Variants in LRRC4C observed in about 807,000 individuals in gnomAD.
The protein encoded by LRRC4C is leucine rich repeat containing 4C.
Under a neutral mutation model 33.6 loss-of-function variants are expected in LRRC4C, and 5 were observed. The ratio of observed to expected loss-of-function variants is 0.15; its 90% CI spans 0.08 to 0.31. The LOEUF is 0.31. LRRC4C is among the 10% of genes least tolerant of loss of function. LRRC4C has a pLI of 1.00. For missense variants in LRRC4C, 560 were observed against 796.7 expected (o/e 0.70, Z 3.58); for synonymous variants, 329 against 302.0 (o/e 1.09, Z -0.93).
chr11:40,387,843 T>G (rs1407794456), intron 3 of LRRC4C, among the ~76,000 whole-genome samples: 4 of 152,176 alleles, frequency 2.6e-5, no homozygotes. Flanking sequence ...AACCTGAAGT[T>G]GGACTGACTT....
intron 5 of LRRC4C, among the ~76,000 whole-genome samples, chr11:40,185,903 C>T (rs1340604711): frequency 6.6e-6 from 1 of 152,104 alleles, no homozygotes; most frequent in East Asian, 1.9e-4. Context: ...CGTGGTTGCT[C>T]ATTGTCTTCT....
At chr11:40,862,924 T>C (rs1591926180) in intron 2 of LRRC4C, among the ~76,000 whole-genome samples, 1 of 152,218 alleles carries the variant, frequency 6.6e-6, no homozygotes, top group East Asian at 1.9e-4. Flanking sequence ...AGATCTTATT[T>C]CTTTTGTGGA....
intron 2 of LRRC4C, among the ~76,000 whole-genome samples, chr11:40,654,156 T>A (rs6485218): frequency 6.6e-6 from 1 of 151,618 alleles, no homozygotes; most frequent in Non-Finnish European, 1.5e-5. Context: ...GCAGTGTGGA[T>A]GGGAAATGTG....
At chr11:40,447,265 C>CTG (rs1951680009) in intron 3 of LRRC4C, 1 of 152,960 alleles carries the variant, frequency 6.5e-6, no homozygotes, top group African/African-American at 2.4e-5. Flanking sequence ...TCTTGAAAGA[C>CTG]TGTACTGGAG....
chr11:40,787,214 C>G (rs989069115), intron 2 of LRRC4C, among the ~76,000 whole-genome samples: 1 of 151,654 alleles, frequency 6.6e-6, no homozygotes, highest in African/African-American at 2.4e-5. Flanking sequence ...AATATTTTCC[C>G]TAGGTGGTAA....
At chr11:40,939,351 A>G (rs184186679) in intron 1 of LRRC4C, among the ~76,000 whole-genome samples, 4 of 152,324 alleles carry the variant, frequency 2.6e-5, no homozygotes, top group Admixed American at 2.6e-4. Context: ...TTATTAGAAG[A>G]CACTTTTAAA....
intron 3 of LRRC4C, among the ~76,000 whole-genome samples, chr11:40,502,685 T>A (rs757546436): frequency 1.2e-4 from 19 of 152,126 alleles, no homozygotes; most frequent in Non-Finnish European, 2.4e-4. Flanking sequence ...TGAGATTTGG[T>A]TGGGGACACA....
chr11:40,973,623 G>T (rs1851886366), intron 1 of LRRC4C, among the ~76,000 whole-genome samples: 1 of 152,108 alleles, frequency 6.6e-6, no homozygotes, highest in African/African-American at 2.4e-5. Context: ...TTTTATTATA[G>T]AAGTCCTGGT....
intron 2 of LRRC4C, among the ~76,000 whole-genome samples, chr11:40,705,547 T>C (rs1486974988): frequency 6.6e-6 from 1 of 150,878 alleles, no homozygotes; most frequent in Non-Finnish European, 1.5e-5. Context: ...CATTCTTTTT[T>C]ATGCCTGCAT....
At chr11:41,300,264 A>G (rs1364542520) in intron 1 of LRRC4C, among the ~76,000 whole-genome samples, 3 of 152,216 alleles carry the variant, frequency 2.0e-5, no homozygotes, top group African/African-American at 4.8e-5. Context: ...AACATTCAGC[A>G]TGAAACTTTA....
chr11:41,018,202 C>A (rs533941155), intron 1 of LRRC4C, among the ~76,000 whole-genome samples: 10 of 152,264 alleles, frequency 6.6e-5, no homozygotes, highest in African/African-American at 2.4e-4. Flanking sequence ...ATAAAATATA[C>A]TATTAGCTTA....
chr11:40,628,467 G>T (rs1963169993), intron 3 of LRRC4C, among the ~76,000 whole-genome samples: 2 of 149,742 alleles, frequency 1.3e-5, no homozygotes, highest in South Asian at 2.1e-4. Context: ...GACAGAGCGA[G>T]ACTCCATCTC....
chr11:41,215,232 A>T (rs1947006458), intron 1 of LRRC4C, among the ~76,000 whole-genome samples: 1 of 151,868 alleles, frequency 6.6e-6, no homozygotes, highest in Non-Finnish European at 1.5e-5. Flanking sequence ...TCACGTCTGT[A>T]ACCCCAGCAC....
At chr11:40,129,193 C>T (rs1372799226) in intron 6 of LRRC4C, among the ~76,000 whole-genome samples, 2 of 152,156 alleles carry the variant, frequency 1.3e-5, no homozygotes. Context: ...GTCATACTCA[C>T]TTATTGATCC....
rs1456350828 is a variant in LRRC4C at position 41,123,256 on chromosome 11, G to GTTTTTTTTT, written c.-495-189534_-495-189533insAAAAAAAAA. Among the ~76,000 whole-genome samples the GTTTTTTTTT allele has an allele frequency of 1.3e-3, 135 of 107,122 alleles. 19 individuals are homozygous for GTTTTTTTTT. Among genetic ancestry groups the GTTTTTTTTT allele is most frequent in the African/African-American group, 3.3e-3 (84 of 25,326 alleles). 70.3% of individuals were successfully genotyped at this position (107,122 alleles called of 152,430 possible). On this transcript the variant is annotated intron_variant, in intron 1 of 6. Coordinates refer to ENST00000528697, the MANE Select transcript of LRRC4C (RefSeq NM_001258419.2). ...AAATGCTTTCTCTATCCTGAGCTAT[G>GTTTTTTTTT]TTTTGTTTTTTTTTTTTTTTTTTTT... is the stretch of plus-strand genomic sequence containing the variant.
chr11:40,467,712 TCAAAATTCTAACAG>T (rs1325249060), intron 3 of LRRC4C, among the ~76,000 whole-genome samples: 1 of 152,168 alleles, frequency 6.6e-6, no homozygotes. Flanking sequence ...TTTGCTATTT[TCAAAATTCTAACAG>T]AACCCTAACT....
At chr11:40,514,913 T>C (rs143915214) in intron 3 of LRRC4C, among the ~76,000 whole-genome samples, 140 of 152,280 alleles carry the variant, frequency 9.2e-4, no homozygotes, top group African/African-American at 3.3e-3. Context: ...TAGAGTTTTA[T>C]AAACCTACCT....
intron 1 of LRRC4C, among the ~76,000 whole-genome samples, chr11:41,328,034 G>A (rs980107015): frequency 3.4e-4 from 52 of 152,126 alleles, no homozygotes; most frequent in Admixed American, 5.9e-4. Context: ...TAGGCACCAT[G>A]TCCTGGCCTC....
chr11:41,455,760 A>G (rs1156826785), intron 1 of LRRC4C, among the ~76,000 whole-genome samples: 2 of 152,176 alleles, frequency 1.3e-5, no homozygotes, highest in African/African-American at 4.8e-5. Context: ...CAACAACACT[A>G]TGAGTTAAGA....
Sources: gnomAD v4.1 joint callset for allele counts (sites outside exome capture counted in the v4.1 genomes callset) on GRCh38, gnomAD v4.1.1 for gene constraint, MANE v1.5 for transcripts, NCBI Gene and HGNC (gene_info 2026-07-23, HGNC 2026-07-21) for gene names.